Variants in SYT16 observed in about 807,000 individuals in gnomAD.
SYT16 encodes the protein synaptotagmin-16.
A neutral mutation model predicts 61.4 loss-of-function variants in SYT16; 42 were observed. That is an observed-to-expected ratio of 0.68 (90% confidence interval 0.53 to 0.89). The LOEUF (loss-of-function observed/expected upper bound fraction) is 0.89. Among genes scored for constraint, SYT16 ranks in the 40% least tolerant of loss-of-function variants. The probability of loss-of-function intolerance (pLI) is 0.00; values close to 1 mark genes in which losing one functional copy is unlikely to be tolerated. For missense variants in SYT16, 804 were observed against 807.3 expected, an observed-to-expected ratio of 1.00 and a Z score of 0.05; for synonymous variants, 314 against 302.3, an observed-to-expected ratio of 1.04 and a Z score of -0.40.
chr14:61,855,020 G>T (rs2046732902), intron 1 of SYT16, among the ~76,000 whole-genome samples: 1 of 152,072 alleles, frequency 6.6e-6, no homozygotes, highest in Non-Finnish European at 1.5e-5. Flanking sequence ...ATAGGAAATG[G>T]GGAAGCAAGG....
At chr14:61,903,692 A>G (rs2048602000) in intron 1 of SYT16, among the ~76,000 whole-genome samples, 1 of 152,180 alleles carries the variant, frequency 6.6e-6, no homozygotes, top group Non-Finnish European at 1.5e-5. Flanking sequence ...AACTGGAATG[A>G]GTGGATTAAG....
chr14:62,057,221 C>T (rs1595297166), intron 3 of SYT16, among the ~76,000 whole-genome samples: 1 of 152,290 alleles, frequency 6.6e-6, no homozygotes, highest in East Asian at 1.9e-4. Flanking sequence ...ACAGATATAC[C>T]CAGGAACAAT....
At chr14:62,087,628 A>G (rs74054973) in intron 7 of SYT16, among the ~76,000 whole-genome samples, 7,425 of 152,270 alleles carry the variant, frequency 0.049, 465 homozygotes, top group African/African-American at 0.15. Context: ...AGGATTTAGA[A>G]GTGAGAATCT....
chr14:61,892,593 A>T (rs554377236), intron 1 of SYT16, among the ~76,000 whole-genome samples: 1 of 152,254 alleles, frequency 6.6e-6, no homozygotes, highest in East Asian at 1.9e-4. Context: ...TTCCCAGTGG[A>T]AAAAGAGTTT....
intron 1 of SYT16, among the ~76,000 whole-genome samples, chr14:61,870,755 TCA>T (rs1416271731): frequency 1.3e-5 from 2 of 152,224 alleles, no homozygotes; most frequent in Non-Finnish European, 2.9e-5. Flanking sequence ...ATTTTTCATC[TCA>T]GTTATTATAT....
rs148619551 is a variant in SYT16, at chr14:61,863,119, G to A, written c.-325+50309G>A. ...TTTTTGTGTGGACATATATTTTCAC[G>A]TCCTTTGGGTAAATCCTAAGGAGAA... On this transcript the variant is annotated intron_variant, in intron 1 of 7. Transcript: ENST00000683842. 1.1e-4 allele frequency among the ~76,000 whole-genome samples: 17 copies of A among 152,276 alleles called. No homozygotes were observed. The East Asian group carries it at 1.5e-3, about 14-fold the overall frequency.
At chr14:62,083,587 T>A (rs950567340) in intron 6 of SYT16, among the ~76,000 whole-genome samples, 3 of 152,080 alleles carry the variant, frequency 2.0e-5, no homozygotes, top group Non-Finnish European at 4.4e-5. Context: ...TGTTGTCTTT[T>A]TTCTCAAACA....
At chr14:61,821,942 C>T (rs1349920311) in intron 1 of SYT16, among the ~76,000 whole-genome samples, 1 of 152,150 alleles carries the variant, frequency 6.6e-6, no homozygotes, top group Non-Finnish European at 1.5e-5. Flanking sequence ...AGTCAGGGTT[C>T]TCCAGAGGGA....
At chr14:62,040,410 C>T (rs1363478938) in intron 3 of SYT16, among the ~76,000 whole-genome samples, 1 of 152,160 alleles carries the variant, frequency 6.6e-6, no homozygotes, top group African/African-American at 2.4e-5. Context: ...ATAATAAGAA[C>T]CCAAATCTTT....
chr14:61,867,866 T>C (rs1566638625), intron 1 of SYT16, among the ~76,000 whole-genome samples: 1 of 152,064 alleles, frequency 6.6e-6, no homozygotes, highest in Non-Finnish European at 1.5e-5. Context: ...AAAGTTTTGA[T>C]CAAAAATAGA....
intron 1 of SYT16, among the ~76,000 whole-genome samples, chr14:61,959,308 T>C (rs1387885750): frequency 6.6e-6 from 1 of 152,162 alleles, no homozygotes; most frequent in Non-Finnish European, 1.5e-5. Context: ...AATTGTTTTC[T>C]GTCTCTTTTG....
chr14:62,090,029 C>T (rs2057017149), intron 7 of SYT16, among the ~76,000 whole-genome samples: 1 of 152,194 alleles, frequency 6.6e-6, no homozygotes. Context: ...TTTGATTTAA[C>T]CTCTCTGAAT....
At chr14:61,992,836 A>T (rs148083327) in intron 2 of SYT16, among the ~76,000 whole-genome samples, 24 of 152,230 alleles carry the variant, frequency 1.6e-4, no homozygotes, top group African/African-American at 5.8e-4. Context: ...ATTAATTTTT[A>T]AAAAACGCTA....
intron 1 of SYT16, among the ~76,000 whole-genome samples, chr14:61,960,589 G>T (rs568151531): frequency 6.6e-6 from 1 of 152,258 alleles, no homozygotes; most frequent in African/African-American, 2.4e-5. Flanking sequence ...ATCAGATCAA[G>T]GAGCTTTTGG....
At chr14:62,062,362 G>A (rs1010020162) in intron 3 of SYT16, among the ~76,000 whole-genome samples, 30 of 152,276 alleles carry the variant, frequency 2.0e-4, no homozygotes, top group African/African-American at 7.0e-4. Flanking sequence ...TAATGTGTCA[G>A]AGTCTTCCTT....
rs1390477776 is a variant in SYT16, at chr14:61,817,011, ACAC to A, written c.-325+4202_-325+4204del. 5.3e-3 allele frequency among the ~76,000 whole-genome samples: 718 copies of A among 134,392 alleles called. 22 individuals are homozygous for A. Among genetic ancestry groups the A allele is most frequent in the South Asian group, 0.017 (77 of 4,444 alleles). The allele number at this position is 134,392 out of a possible 152,430, so 88.2% of individuals were successfully genotyped here. A position where few individuals can be genotyped will look rare whatever the true frequency, so the allele number is the denominator to read the frequency against. ...GGGCGACAGAGTGAGGCTCCGTCAC[ACAC>A]ACACACACACACACAAAAAAAGCAT... is the stretch of plus-strand genomic sequence containing the variant. On this transcript the variant is annotated intron_variant, in intron 1 of 7. Coordinates refer to ENST00000683842, the MANE Select transcript of SYT16 (RefSeq NM_001367656.1).
chr14:61,849,331 C>T (rs533109481), intron 1 of SYT16, among the ~76,000 whole-genome samples: 12 of 152,286 alleles, frequency 7.9e-5, no homozygotes, highest in African/African-American at 2.2e-4. Context: ...GCCAGTGTCT[C>T]GCTGGGTCAT....
intron 7 of SYT16, among the ~76,000 whole-genome samples, chr14:62,095,277 G>A (rs1416622712): frequency 6.6e-6 from 1 of 151,792 alleles, no homozygotes; most frequent in Non-Finnish European, 1.5e-5. Context: ...ATATTAGACT[G>A]GAAACTTGAG....
chr14:61,919,890 CGTG>C (rs1276885977), intron 1 of SYT16, among the ~76,000 whole-genome samples: 1 of 1,152 alleles, frequency 8.7e-4, no homozygotes, highest in Admixed American at 7.1e-3. Flanking sequence ...AGAACTCTGT[CGTG>C]GTGAAAACCT....
Sources: allele counts gnomAD v4.1 joint callset (sites outside exome capture counted in the v4.1 genomes callset), GRCh38; gene constraint gnomAD v4.1.1; transcripts MANE v1.5; gene names NCBI Gene and HGNC (gene_info 2026-07-23, HGNC 2026-07-21).